Variants in ATE1 observed in about 807,000 individuals in gnomAD.
ATE1 encodes the protein arginyltransferase 1.
Under a neutral mutation model 70.5 loss-of-function variants are expected in ATE1, and 36 were observed. That is an observed-to-expected ratio of 0.51 (90% CI 0.39 to 0.67). ATE1 has a LOEUF of 0.67. Among genes scored for constraint, ATE1 ranks in the 30% least tolerant of loss-of-function variants. The pLI is 0.00. For missense variants in ATE1, 593 were observed against 629.5 expected (o/e 0.94, Z 0.62); for synonymous variants, 232 against 219.3 (o/e 1.06, Z -0.51).
At chr10:121,751,050 A>G (rs990898806) in intron 11 of ATE1, among the ~76,000 whole-genome samples, 3 of 152,232 alleles carry the variant, frequency 2.0e-5, no homozygotes, top group African/African-American at 7.2e-5. Flanking sequence ...AGAAATGCAG[A>G]GCAGTTGTGA....
chr10:121,906,410 T>TC (rs1951193333), intron 5 of ATE1, among the ~76,000 whole-genome samples: 1 of 152,014 alleles, frequency 6.6e-6, no homozygotes, highest in African/African-American at 2.4e-5. Context: ...GTACTGGTAG[T>TC]CCCAAGTGCT....
chr10:121,909,353 A>G (rs1482233692), intron 5 of ATE1, among the ~76,000 whole-genome samples: 1 of 152,228 alleles, frequency 6.6e-6, no homozygotes, highest in Non-Finnish European at 1.5e-5. Context: ...CCTAACACAA[A>G]CAAATGTTTA....
At chr10:121,763,440 T>C (rs960890948) in intron 11 of ATE1, among the ~76,000 whole-genome samples, 2 of 152,156 alleles carry the variant, frequency 1.3e-5, no homozygotes, top group African/African-American at 2.4e-5. Flanking sequence ...AAATGAATTA[T>C]CAAGCCACAT....
chr10:121,770,981 G>C (rs979521692), intron 11 of ATE1, among the ~76,000 whole-genome samples: 27 of 152,190 alleles, frequency 1.8e-4, no homozygotes, highest in Admixed American at 1.2e-3. Flanking sequence ...GTGGCGGGGG[G>C]AGAAACAAAC....
chr10:121,883,915 G>C (rs1950299052), intron 7 of ATE1, among the ~76,000 whole-genome samples: 1 of 151,738 alleles, frequency 6.6e-6, no homozygotes, highest in African/African-American at 2.4e-5. Context: ...GACCATCCTG[G>C]CCAACATGGT....
intron 7 of ATE1, among the ~76,000 whole-genome samples, chr10:121,878,435 A>G (rs762356713): frequency 2.6e-5 from 4 of 152,054 alleles, no homozygotes; most frequent in Non-Finnish European, 5.9e-5. Context: ...TCTACTAAAA[A>G]TACAAAAATT....
intron 7 of ATE1, among the ~76,000 whole-genome samples, chr10:121,885,385 C>T (rs894174145): frequency 1.0e-4 from 15 of 150,334 alleles, no homozygotes; most frequent in Non-Finnish European, 1.8e-4. Context: ...CTGGCTAACA[C>T]GGTGAAACTC....
chr10:121,837,292 G>A (rs767414343), intron 9 of ATE1, among the ~76,000 whole-genome samples: 12 of 152,082 alleles, frequency 7.9e-5, no homozygotes, highest in Non-Finnish European at 1.6e-4. Flanking sequence ...CTTTATCTAG[G>A]CACAACTTTA....
intron 7 of ATE1, among the ~76,000 whole-genome samples, chr10:121,880,819 T>C (rs1950203293): frequency 6.6e-6 from 1 of 152,184 alleles, no homozygotes; most frequent in African/African-American, 2.4e-5. Context: ...TTGTTTAGAC[T>C]AGCCATCAAA....
At chr10:121,750,358 T>A (rs1350680516) in intron 11 of ATE1, among the ~76,000 whole-genome samples, 1 of 152,250 alleles carries the variant, frequency 6.6e-6, no homozygotes, top group Non-Finnish European at 1.5e-5. Flanking sequence ...CAACTAGAAC[T>A]TCTTCCACTT....
chr10:121,793,976 G>A (rs1377542864), intron 10 of ATE1, among the ~76,000 whole-genome samples: 1 of 152,048 alleles, frequency 6.6e-6, no homozygotes, highest in Non-Finnish European at 1.5e-5. Context: ...GCTCCATCTG[G>A]AATTTATTGT....
intron 10 of ATE1, among the ~76,000 whole-genome samples, chr10:121,794,913 T>A (rs1192669791): frequency 6.6e-6 from 1 of 152,184 alleles, no homozygotes; most frequent in African/African-American, 2.4e-5. Context: ...AACAGCCACC[T>A]GAATCCAGTG....
At chr10:121,799,077 C>A (rs1946772877) in intron 10 of ATE1, among the ~76,000 whole-genome samples, 1 of 152,086 alleles carries the variant, frequency 6.6e-6, no homozygotes, top group South Asian at 2.1e-4. Context: ...AAAATAACTT[C>A]CGAAAACCTT....
intron 10 of ATE1, among the ~76,000 whole-genome samples, chr10:121,817,871 T>C (rs1313623471): frequency 6.6e-6 from 1 of 152,164 alleles, no homozygotes. Context: ...CCTAGGGCAC[T>C]AACGCAAAGT....
At chr10:121,793,036 T>C (rs1412621792) in intron 10 of ATE1, among the ~76,000 whole-genome samples, 1 of 152,174 alleles carries the variant, frequency 6.6e-6, no homozygotes, top group Non-Finnish European at 1.5e-5. Context: ...AAAACAGACT[T>C]GTATCCGGAA....
chr10:121,820,301 G>A (rs1473245265), intron 10 of ATE1, among the ~76,000 whole-genome samples: 1 of 152,040 alleles, frequency 6.6e-6, no homozygotes, highest in East Asian at 1.9e-4. Flanking sequence ...GGTAGAGAAC[G>A]TCTTTTTGAA....
chr10:121,896,938 C>G (rs190636415), intron 7 of ATE1, among the ~76,000 whole-genome samples: 2 of 97,410 alleles, frequency 2.1e-5, no homozygotes. Context: ...AAATGGCATA[C>G]AATTTTACCC....
chr10:121,872,510 A>T (rs542539714), intron 7 of ATE1, among the ~76,000 whole-genome samples: 34 of 151,344 alleles, frequency 2.2e-4, no homozygotes, highest in Admixed American at 3.9e-4. Flanking sequence ...AGTAAAACCC[A>T]TTTTTTTTTA....
At chr10:121,889,551 C>A (rs1341210003) in intron 7 of ATE1, among the ~76,000 whole-genome samples, 1 of 152,036 alleles carries the variant, frequency 6.6e-6, no homozygotes, top group Non-Finnish European at 1.5e-5. Flanking sequence ...GCCTGTAATC[C>A]CAACACTTTG....
Sources: allele counts gnomAD v4.1 joint callset (sites outside exome capture counted in the v4.1 genomes callset), GRCh38; gene constraint gnomAD v4.1.1; transcripts MANE v1.5; gene names NCBI Gene and HGNC (gene_info 2026-07-23, HGNC 2026-07-21).